SELENOF: variants seen among roughly 807,000 people sequenced by gnomAD.
SELENOF encodes 15 kDa selenoprotein.
SELENOF carries 16 observed loss-of-function variants against 20.5 expected under a neutral mutation model. The observed-to-expected ratio is 0.78, with a 90% CI of 0.53 to 1.19. The LOEUF (loss-of-function observed/expected upper bound fraction) is 1.19. SELENOF is among the 50% of genes most tolerant of loss of function. The pLI is 0.00. For missense variants in SELENOF, 215 were observed against 194.2 expected, an observed-to-expected ratio of 1.11 and a Z score of -0.64; for synonymous variants, 78 against 74.5, an observed-to-expected ratio of 1.05 and a Z score of -0.24.
intron 1 of SELENOF, among the ~76,000 whole-genome samples, chr1:86,905,417 T>G (rs1659803736): frequency 6.6e-6 from 1 of 152,208 alleles, no homozygotes; most frequent in African/African-American, 2.4e-5. Flanking sequence ...TGTAACATCT[T>G]ACTTATTTTC....
At chr1:86,901,682 C>T (rs747175760) in intron 2 of SELENOF, among the ~76,000 whole-genome samples, 1 of 152,126 alleles carries the variant, frequency 6.6e-6, no homozygotes, top group African/African-American at 2.4e-5. Flanking sequence ...CAACATATAG[C>T]TCCATTAATA....
At chr1:86,884,877 A>T (rs539035000) in intron 2 of SELENOF, among the ~76,000 whole-genome samples, 72 of 152,334 alleles carry the variant, frequency 4.7e-4, no homozygotes, top group African/African-American at 1.7e-3. Flanking sequence ...TTAGGAAAAT[A>T]TGAGAACGAT....
chr1:86,910,711 A>T (rs1169505776), intron 1 of SELENOF, among the ~76,000 whole-genome samples: 2 of 151,150 alleles, frequency 1.3e-5, no homozygotes, highest in African/African-American at 2.4e-5. Flanking sequence ...TCAAAAAAAA[A>T]AAAAAAAAAA....
At chr1:86,869,707 C>CG (rs1369229751) in intron 3 of SELENOF, among the ~76,000 whole-genome samples, 1 of 150,710 alleles carries the variant, frequency 6.6e-6, no homozygotes, top group African/African-American at 2.5e-5. Flanking sequence ...TTTCTTTCTT[C>CG]TTTCCTTCCT....
At position 86,863,506 on chromosome 1, in the gene SELENOF, C is replaced by A; in HGVS notation, c.466G>T (p.Glu156Ter). The A allele has an allele frequency of 6.2e-7, 1 of 1,613,500 alleles. No individual in the cohort carries two copies. Among genetic ancestry groups the A allele is most frequent in the African/African-American group, 1.3e-5 (1 of 75,034 alleles). The change falls in exon 5 of 5, where the codon GAA (glutamate) becomes TAA (stop). Residue 156 changes from glutamate (E) to a stop codon, truncating the protein, a stop_gained. Transcript: ENST00000331835. LOFTEE classifies it high-confidence loss of function. ...CGTTCCAACTTTTCACTCAGGAATTCTTCTACACTGTCTGTGTTCCATTTG... is the reference window on the plus strand; with the variant it reads ...CGTTCCAACTTTTCACTCAGGAATTATTCTACACTGTCTGTGTTCCATTTG... ...ILKWNTDSVEEFLSEKLERI is the reference protein window; with the variant it reads ...ILKWNTDSVE
intron 4 of SELENOF, among the ~76,000 whole-genome samples, chr1:86,865,608 A>C (rs1658571309): frequency 6.6e-6 from 1 of 152,222 alleles, no homozygotes; most frequent in Middle Eastern, 3.2e-3. Context: ...TACTACCAAA[A>C]AACAGAAAAT....
At chr1:86,910,148 TAGTC>T (rs1345539036) in intron 1 of SELENOF, among the ~76,000 whole-genome samples, 4 of 152,226 alleles carry the variant, frequency 2.6e-5, no homozygotes, top group East Asian at 1.9e-4. Context: ...TAATTTGCCT[TAGTC>T]AGTTATTAGA....
intron 2 of SELENOF, among the ~76,000 whole-genome samples, chr1:86,890,424 T>TATA (rs1230273905): frequency 6.6e-6 from 1 of 152,186 alleles, no homozygotes; most frequent in Non-Finnish European, 1.5e-5. Flanking sequence ...ATAAAAAAAG[T>TATA]ATAAAAGGGT....
At chr1:86,914,142 CCCCTAAGCTAGGGGCGT>C, upstream of SELENOF, 1 of 1,608,210 alleles carries the variant, frequency 6.2e-7, no homozygotes, top group Non-Finnish European at 8.5e-7. Flanking sequence ...CCTAGAAGGA[CCCCTAAGCTAGGGGCGT>C]CCACTCCAGA....
At chr1:86,887,749 A>AT (rs1659261397) in intron 2 of SELENOF, among the ~76,000 whole-genome samples, 1 of 152,184 alleles carries the variant, frequency 6.6e-6, no homozygotes, top group Non-Finnish European at 1.5e-5. Context: ...GACTGTAATG[A>AT]TGAGACTCTC....
At chr1:86,899,515 C>T (rs1287270653) in intron 2 of SELENOF, among the ~76,000 whole-genome samples, 2 of 146,196 alleles carry the variant, frequency 1.4e-5, no homozygotes, top group African/African-American at 5.2e-5. Context: ...CCTCACCTCC[C>T]GGACGGGGCG....
chr1:86,878,582 T>G (rs1165843730), intron 3 of SELENOF, among the ~76,000 whole-genome samples: 15 of 152,168 alleles, frequency 9.9e-5, no homozygotes. Context: ...CTCAGGAGAC[T>G]GAGGCAGGAG....
intron 2 of SELENOF, among the ~76,000 whole-genome samples, chr1:86,882,731 T>C (rs540500897): frequency 7.2e-5 from 11 of 152,234 alleles, no homozygotes; most frequent in Admixed American, 1.3e-4. Context: ...TTATTCACAA[T>C]AGCCAAAAGG....
At chr1:86,906,155 C>T (rs1659822117) in intron 1 of SELENOF, among the ~76,000 whole-genome samples, 1 of 152,160 alleles carries the variant, frequency 6.6e-6, no homozygotes, top group Admixed American at 6.5e-5. Flanking sequence ...GATGAGACAT[C>T]CCAGCCTAGT....
upstream of SELENOF, chr1:86,914,404 T>A (rs530389583): frequency 6.1e-4 from 285 of 468,290 alleles, 1 homozygote; most frequent in East Asian, 8.9e-3. Flanking sequence ...CTTCGCCAGT[T>A]TTAGCCCCGC....
intron 1 of SELENOF, among the ~76,000 whole-genome samples, chr1:86,908,881 T>C (rs1659900442): frequency 1.3e-5 from 2 of 152,254 alleles, no homozygotes; most frequent in African/African-American, 4.8e-5. Flanking sequence ...TATTTAAGCA[T>C]ACTCGATGTA....
chr1:86,911,784 A>ATT lies in SELENOF; in HGVS notation c.84+2242_84+2243dup, dbSNP rs34486690. 8.3e-3 allele frequency among the ~76,000 whole-genome samples: 1,159 copies of ATT among 140,066 alleles called. 21 individuals carry two copies. Among genetic ancestry groups the ATT allele is most frequent in the African/African-American group, 0.028 (1,074 of 37,924 alleles). 91.9% of individuals were successfully genotyped at this position (140,066 alleles called of 152,430 possible). ...AAAGGAAAGAGGATTTAAAATGACT[A>ATT]TTTTTTTTTTTTTTTTTGAGACAGA... On this transcript the variant is annotated intron_variant, in intron 1 of 4. Transcript: ENST00000331835.
chr1:86,881,257 A>G lies in SELENOF; in HGVS notation c.253-532T>C, dbSNP rs982837503. Reference sequence around the variant, plus strand: ...CATTATAAAGAACTCAAATGCAAATATTTTCCTTTAATGAAATTTAGCTGA... The same window carrying G: ...CATTATAAAGAACTCAAATGCAAATGTTTTCCTTTAATGAAATTTAGCTGA... On this transcript the variant is annotated intron_variant, in intron 2 of 4. Transcript: ENST00000331835. 2.6e-5 allele frequency among the ~76,000 whole-genome samples: 4 copies of G among 152,234 alleles called. No homozygotes were observed. In the South Asian group the frequency reaches 8.3e-4, roughly 32 times the overall value.
At chr1:86,910,672 C>T (rs1659956439) in intron 1 of SELENOF, among the ~76,000 whole-genome samples, 1 of 146,380 alleles carries the variant, frequency 6.8e-6, no homozygotes, top group Admixed American at 6.8e-5. Flanking sequence ...CCACCGCACT[C>T]CAGCCTGGCA....
Sources: gnomAD v4.1 joint callset for allele counts (sites outside exome capture counted in the v4.1 genomes callset) on GRCh38, gnomAD v4.1.1 for gene constraint, MANE v1.5 for transcripts, NCBI Gene and HGNC (gene_info 2026-07-23, HGNC 2026-07-21) for gene names.